TBX1: variants seen among roughly 807,000 people sequenced by gnomAD.
TBX1 encodes T-box transcription factor TBX1.
TBX1 carries 16 observed loss-of-function variants against 40.8 expected under a neutral mutation model. The observed-to-expected ratio is 0.39, with a 90% CI of 0.27 to 0.60. The LOEUF is 0.60. TBX1 is among the 20% of genes least tolerant of loss of function. The pLI is 0.51. For synonymous variants in TBX1, 403 were observed against 336.8 expected, an observed-to-expected ratio of 1.20 and a Z score of -2.15; for missense variants, 755 against 728.5, an observed-to-expected ratio of 1.04 and a Z score of -0.42.
chr22:19,772,164 A>G (rs2145845769), downstream of TBX1, among the ~76,000 whole-genome samples: 1 of 150,092 alleles, frequency 6.7e-6, no homozygotes, highest in East Asian at 2.0e-4. Context: ...GTGCAGTGGC[A>G]CAATCTCAGT....
upstream of TBX1, among the ~76,000 whole-genome samples, chr22:19,760,474 G>GGA (rs979293240): frequency 6.8e-6 from 1 of 148,146 alleles, no homozygotes; most frequent in Non-Finnish European, 1.5e-5. Flanking sequence ...AGAACGTCTG[G>GGA]GAGAGAGAGA....
downstream of TBX1, chr22:19,782,842 A>G: frequency 6.2e-7 from 1 of 1,613,234 alleles, no homozygotes; most frequent in South Asian, 1.1e-5. Context: ...GCCTTATTTG[A>G]TAAAGGCCAC....
rs757290764 is a variant in TBX1 at position 19,761,194 on chromosome 22, C to T, written c.351C>T (p.Ala117=). ...CGGTGAAGAAGAACGCGAAGGTGGC[C>T]GGTGTGAGCGTGCAGCTAGAGATGA... ...KAPVKKNAKV[A]GVSVQLEMKA... The change falls in exon 1 of 7, where the codon GCC becomes GCT. Residue 117 remains alanine (A), a synonymous_variant. Coordinates refer to ENST00000649276, the MANE Select transcript of TBX1 (RefSeq NM_001379200.1). 2.6e-6 allele frequency: 4 copies of T among 1,551,532 alleles called. No individual in the cohort carries two copies. In the African/African-American group the frequency reaches 4.3e-5, roughly 17 times the overall value.
chr22:19,777,263 G>A lies in TBX1; in HGVS notation c.1010-1957G>A, dbSNP rs555266371. ...GTGTGATGTTCCCCTTCCTGTGTCCGTGTGTTCTCATTGTTCAATTCCCAC... is the reference window on the plus strand; with the variant it reads ...GTGTGATGTTCCCCTTCCTGTGTCCATGTGTTCTCATTGTTCAATTCCCAC... On this transcript the variant is annotated intron_variant, in intron 8 of 8. Coordinates refer to the TBX1 transcript ENST00000329705. Among the ~76,000 whole-genome samples the A allele has an allele frequency of 3.7e-3, 549 of 149,882 alleles. 4 individuals carry two copies. The highest frequency in any genetic ancestry group is 0.013 in the African/African-American group (534 of 40,588).
Position 19,764,333 on chromosome 22 carries a change from G to A in TBX1, c.711+7G>A, listed in dbSNP as rs369332029. ...ACTGGACGACAACGGCCACGTGAGC[G>A]ACTGCCTCCCCAGGCTCCGGTGTCC... On this transcript the variant is annotated splice_region_variant and intron_variant, in intron 3 of 6. Transcript: ENST00000649276. 1.1e-5 allele frequency: 17 copies of A among 1,609,724 alleles called. No individual in the cohort carries two copies. The highest frequency in any genetic ancestry group is 5.3e-5 in the African/African-American group (4 of 74,914).
chr22:19,765,121 C>T lies in TBX1; in HGVS notation c.867+8C>T. ...GCCTACCAGAACCATCGGGTGAGGG[C>T]CTGTGGGGAGGACCTGAGCGGATTC... On this transcript the variant is annotated splice_region_variant and intron_variant, in intron 4 of 6. Transcript: ENST00000649276. 6.2e-6 allele frequency: 10 copies of T among 1,614,138 alleles called. No individual in the cohort carries two copies. The highest frequency in any genetic ancestry group is 8.5e-6 in the Non-Finnish European group (10 of 1,180,018).
At chr22:19,764,019 G>A in intron 2 of TBX1, 136 bp from the exon 3 acceptor site, 1 of 936,454 alleles carries the variant, frequency 1.1e-6, no homozygotes. Flanking sequence ...AAAGCTCCCA[G>A]CACATGCGGC....
In TBX1 at chr22:19,761,357, C is replaced by G. The variant is rs1352785330; in HGVS notation, c.437+77C>G. The G allele has an allele frequency of 1.6e-5, 22 of 1,394,690 alleles. No homozygotes were observed. The South Asian group carries it at 3.1e-4, about 20-fold the overall frequency. The allele number at this position is 1,394,690 out of a possible 1,614,324, so 86.4% of individuals were successfully genotyped here. On this transcript the variant is annotated intron_variant, in intron 1 of 6. Coordinates refer to ENST00000649276, the MANE Select transcript of TBX1 (RefSeq NM_001379200.1). ...GCTGCGGGCCTCCGCCTGATCCGCG[C>G]GAGCGGGGCCGAAAGCCGGGTCGGG...
At chr22:19,760,199 A>T (rs1416110881), upstream of TBX1, among the ~76,000 whole-genome samples, 1 of 144,068 alleles carries the variant, frequency 6.9e-6, no homozygotes, top group African/African-American at 2.6e-5. Flanking sequence ...AAAGAAAAAA[A>T]GGAAAGACTT....
At chr22:19,773,247 C>A (rs964789653) in intron 8 of TBX1, among the ~76,000 whole-genome samples, 2 of 152,228 alleles carry the variant, frequency 1.3e-5, no homozygotes, top group Non-Finnish European at 2.9e-5. Context: ...CCTGCCTGCT[C>A]CGCCACCTCC....
downstream of TBX1, chr22:19,779,656 T>C (rs962092256): frequency 2.2e-6 from 2 of 904,636 alleles, no homozygotes; most frequent in African/African-American, 3.4e-5. Context: ...TTATAAACAC[T>C]TCTAAATATT....
At position 19,763,284 on chromosome 22, in the gene TBX1, C is replaced by T; in HGVS notation, c.481C>T (p.Pro161Ser). The change falls in exon 2 of 7, where the codon CCC becomes TCC. Residue 161 changes from proline to serine, a missense_variant. Around this residue, in one of 3 missense-constraint regions of TBX1, gnomAD observed 144 missense variants for 238.0 expected, o/e 0.61. Coordinates refer to ENST00000649276, the MANE Select transcript of TBX1 (RefSeq NM_001379200.1). Reference protein sequence around the residue: ...TFQVKLFGMDPMADYMLLMDF... With the variant: ...TFQVKLFGMDSMADYMLLMDF... ...CCAAGTGAAGCTCTTCGGCATGGATCCCATGGCCGACTATATGCTGCTCAT... is the reference window on the plus strand; with the variant it reads ...CCAAGTGAAGCTCTTCGGCATGGATTCCATGGCCGACTATATGCTGCTCAT... 6.2e-7 allele frequency: 1 copy of T among 1,614,208 alleles called. No individual in the cohort carries two copies. Among genetic ancestry groups the T allele is most frequent in the Non-Finnish European group, 8.5e-7 (1 of 1,180,018 alleles).
At chr22:19,764,781 A>T (rs1936777947) in intron 3 of TBX1, among the ~76,000 whole-genome samples, 177 bp from the exon 4 acceptor site, 1 of 152,194 alleles carries the variant, frequency 6.6e-6, no homozygotes, top group Non-Finnish European at 1.5e-5. Context: ...GGCAGTTGCC[A>T]ATGGGTCACA....
downstream of TBX1, chr22:19,782,973 C>T (rs1937156289): frequency 6.9e-7 from 1 of 1,454,438 alleles, no homozygotes; most frequent in African/African-American, 1.4e-5. Flanking sequence ...TTGAAGCCCC[C>T]AAGTAAGAAG....
rs1936825086 is a variant in TBX1 at position 19,765,988 on chromosome 22, G to A, written c.1022G>A (p.Ser341Asn). 1 of 1,512,300 alleles carries A rather than the reference G, an allele frequency of 6.6e-7. No homozygotes were observed. The highest frequency in any genetic ancestry group is 8.8e-7 in the Non-Finnish European group (1 of 1,136,286). 93.7% of individuals were successfully genotyped at this position (1,512,300 alleles called of 1,614,324 possible). ...CCCGTGGCTTCCCCGACGCAGCCCAGCGGCACGGAGAAAGGTAGGGCCGGG... is the reference window on the plus strand; with the variant it reads ...CCCGTGGCTTCCCCGACGCAGCCCAACGGCACGGAGAAAGGTAGGGCCGGG... ...RNPVASPTQP[S>N]GTEKDAAEAR... Residue 341 changes from serine (S) to asparagine (N), a missense_variant, in exon 6 of 7, where the codon AGC becomes AAC. Transcript: ENST00000649276.
chr22:19,765,901 G>A lies in TBX1; in HGVS notation c.936-1G>A. The A allele has an allele frequency of 6.5e-7, 1 of 1,543,026 alleles. No homozygotes were observed. The highest frequency in any genetic ancestry group is 8.7e-7 in the Non-Finnish European group (1 of 1,144,352). The stretch of plus-strand genomic sequence containing the variant: ...CGCCCTGATCCGCCTCCCGCCCGCA[G>A]GCCCCGGAACCACCGGCCCGGCGCA... On this transcript the variant is annotated splice_acceptor_variant, in intron 5 of 6. Transcript: ENST00000649276. LOFTEE classifies it high-confidence loss of function.
upstream of TBX1, among the ~76,000 whole-genome samples, chr22:19,760,569 G>T (rs1004617533): frequency 2.1e-5 from 3 of 139,668 alleles, no homozygotes; most frequent in Admixed American, 1.4e-4. Flanking sequence ...CGGTCGGGGG[G>T]CCCCGGGCCG....
downstream of TBX1, among the ~76,000 whole-genome samples, chr22:19,771,052 C>T (rs777790609): frequency 1.4e-4 from 22 of 152,176 alleles, 1 homozygote; most frequent in Admixed American, 5.2e-4. Flanking sequence ...GGCACGGGGA[C>T]GTTCATTCCT....
chr22:19,757,031 G>C (rs1936502502), upstream of TBX1, among the ~76,000 whole-genome samples: 1 of 152,194 alleles, frequency 6.6e-6, no homozygotes, highest in African/African-American at 2.4e-5. Flanking sequence ...CTGGAGGCTG[G>C]GACGGCCTCG....
Sources: allele counts gnomAD v4.1 joint callset (sites outside exome capture counted in the v4.1 genomes callset), GRCh38; gene constraint gnomAD v4.1.1; regional missense constraint gnomAD v4.1.1; transcripts MANE v1.5; gene names NCBI Gene and HGNC (gene_info 2026-07-23, HGNC 2026-07-21).